The following RBFOX1 variants were observed in gnomAD, a reference collection of about 807,000 sequenced individuals.
RBFOX1 encodes RNA binding fox-1 homolog 1, also known as RNA binding protein fox-1 homolog 1.
RBFOX1 carries 8 observed loss-of-function variants against 57.7 expected under a neutral mutation model. The ratio of observed to expected loss-of-function variants is 0.14; its 90% confidence interval spans 0.08 to 0.25. The LOEUF (loss-of-function observed/expected upper bound fraction) is 0.25. Ranked by LOEUF, RBFOX1 falls within the 10% of genes least tolerant of loss-of-function variation. RBFOX1 has a pLI of 1.00. For missense variants in RBFOX1, 611 were observed against 548.5 expected, an observed-to-expected ratio of 1.11 and a Z score of -1.14; for synonymous variants, 326 against 222.4, an observed-to-expected ratio of 1.47 and a Z score of -4.15.
intron 2 of RBFOX1, among the ~76,000 whole-genome samples, chr16:6,393,101 T>C (rs73532378): frequency 0.049 from 7,484 of 152,312 alleles, 587 homozygotes; most frequent in African/African-American, 0.17. Flanking sequence ...AATTTGTGTT[T>C]GGGAGGCTTT....
chr16:5,643,421 T>C (rs2048945412), intron 3 of RBFOX1, among the ~76,000 whole-genome samples: 1 of 152,198 alleles, frequency 6.6e-6, no homozygotes, highest in Non-Finnish European at 1.5e-5. Context: ...TGGCCCCATG[T>C]TCTCCAAGGA....
At chr16:5,476,967 A>G (rs1412169130) in intron 2 of RBFOX1, among the ~76,000 whole-genome samples, 2 of 152,198 alleles carry the variant, frequency 1.3e-5, no homozygotes, top group Non-Finnish European at 2.9e-5. Flanking sequence ...TGTTATCTGT[A>G]TATACAGATT....
In RBFOX1 at chr16:7,618,373, C is replaced by T. The variant is rs559883358; in HGVS notation, c.676+11035C>T. On this transcript the variant is annotated intron_variant, in intron 10 of 15. Coordinates refer to ENST00000550418, the MANE Select transcript of RBFOX1 (RefSeq NM_018723.4). ...CGTGAAGCCCTGTGGTGCTGGGAGA[C>T]TTAGGAGCAGATTATCAACTGTTCA... is the stretch of plus-strand genomic sequence containing the variant. Among the ~76,000 whole-genome samples, 2 of 152,264 alleles carry T rather than the reference C, an allele frequency of 1.3e-5. 1 individual carries two copies. Among genetic ancestry groups the T allele is most frequent in the South Asian group, 4.1e-4 (2 of 4,824 alleles).
intron 1 of RBFOX1, among the ~76,000 whole-genome samples, chr16:6,165,574 A>G (rs960809378): frequency 6.6e-6 from 1 of 152,186 alleles, no homozygotes; most frequent in Non-Finnish European, 1.5e-5. Context: ...CTCTGCTAAG[A>G]CTAGAGATTT....
chr16:7,388,693 T>A (rs2097928095), intron 4 of RBFOX1, among the ~76,000 whole-genome samples: 1 of 144,258 alleles, frequency 6.9e-6, no homozygotes, highest in Non-Finnish European at 1.5e-5. Flanking sequence ...ACGTGAAACC[T>A]TTCTGTTTTT....
chr16:6,927,532 C>CTTTGT (rs772558730), intron 3 of RBFOX1, among the ~76,000 whole-genome samples: 55 of 145,558 alleles, frequency 3.8e-4, no homozygotes, highest in Non-Finnish European at 4.2e-4. Context: ...GCAGATATTT[C>CTTTGT]TTTGTTTTGT....
chr16:5,830,356 A>C (rs2056221149), intron 3 of RBFOX1, among the ~76,000 whole-genome samples: 1 of 152,038 alleles, frequency 6.6e-6, no homozygotes. Flanking sequence ...GAGATCATTA[A>C]ATTTCCAATC....
At chr16:7,253,721 G>C (rs888245331) in intron 4 of RBFOX1, among the ~76,000 whole-genome samples, 7 of 152,192 alleles carry the variant, frequency 4.6e-5, no homozygotes, top group East Asian at 1.9e-4. Context: ...TCACCACATA[G>C]TATTCTGTGT....
chr16:6,484,658 G>T (rs2095436152), intron 2 of RBFOX1, among the ~76,000 whole-genome samples: 1 of 152,086 alleles, frequency 6.6e-6, no homozygotes, highest in Admixed American at 6.5e-5. Context: ...TCAGATTATG[G>T]GGAAATTGGG....
chr16:5,785,661 G>T (rs536723576), intron 3 of RBFOX1, among the ~76,000 whole-genome samples: 31 of 152,094 alleles, frequency 2.0e-4, no homozygotes, highest in African/African-American at 6.0e-4. Flanking sequence ...CTGAGTAGCT[G>T]GGATTACAGG....
At chr16:7,176,974 A>G (rs1358133033) in intron 4 of RBFOX1, among the ~76,000 whole-genome samples, 1 of 152,192 alleles carries the variant, frequency 6.6e-6, no homozygotes, top group Non-Finnish European at 1.5e-5. Flanking sequence ...TTTACAAGGT[A>G]GTTTTCAATA....
intron 1 of RBFOX1, among the ~76,000 whole-genome samples, chr16:6,114,644 A>G (rs1428824137): frequency 1.3e-5 from 2 of 152,190 alleles, no homozygotes; most frequent in Non-Finnish European, 2.9e-5. Flanking sequence ...GAGACAAACA[A>G]TGATATGCTT....
At chr16:7,272,647 T>G (rs372021488) in intron 4 of RBFOX1, among the ~76,000 whole-genome samples, 2 of 144,740 alleles carry the variant, frequency 1.4e-5, no homozygotes, top group African/African-American at 5.5e-5. Flanking sequence ...AATCTGTGAA[T>G]TTTTACTTAT....
intron 4 of RBFOX1, among the ~76,000 whole-genome samples, chr16:7,172,270 C>A (rs796778632): frequency 4.6e-5 from 7 of 152,166 alleles, no homozygotes; most frequent in African/African-American, 1.7e-4. Context: ...TTTCAAACCC[C>A]ATCAAAAAAA....
intron 4 of RBFOX1, among the ~76,000 whole-genome samples, chr16:7,354,968 A>C (rs755275058): frequency 6.6e-6 from 1 of 152,200 alleles, no homozygotes; most frequent in Non-Finnish European, 1.5e-5. Flanking sequence ...CGAATGCTGA[A>C]ACATGACAAA....
chr16:6,726,098 A>G (rs569574007), intron 3 of RBFOX1, among the ~76,000 whole-genome samples: 1 of 152,312 alleles, frequency 6.6e-6, no homozygotes, highest in South Asian at 2.1e-4. Flanking sequence ...AGTGTTAAAT[A>G]TGAGAGAACT....
intron 3 of RBFOX1, among the ~76,000 whole-genome samples, chr16:5,866,372 C>T (rs948181450): frequency 5.3e-5 from 8 of 152,182 alleles, no homozygotes; most frequent in Non-Finnish European, 1.0e-4. Flanking sequence ...CAAATACAAT[C>T]ACAGTGGGGG....
rs1025254077 is a variant in RBFOX1 at position 5,675,348 on chromosome 16, A to C, written c.318+76387A>C. ...CTCTCCTCTTTGGGAGAGACCATTT[A>C]CTACTGATCATTTCTAGACTTTGGG... is the stretch of plus-strand genomic sequence containing the variant. On this transcript the variant is annotated intron_variant, in intron 3 of 19. Transcript: ENST00000641259. Among the ~76,000 whole-genome samples the C allele has an allele frequency of 2.6e-5, 4 of 152,290 alleles. No homozygotes were observed. The East Asian group carries it at 7.7e-4, about 29-fold the overall frequency.
At chr16:7,492,624 G>A (rs185510630) in intron 4 of RBFOX1, among the ~76,000 whole-genome samples, 1 of 152,222 alleles carries the variant, frequency 6.6e-6, no homozygotes, top group African/African-American at 2.4e-5. Flanking sequence ...CCCCAGTGTT[G>A]GACTTAGGGC....
Sources: gnomAD v4.1 joint callset for allele counts (sites outside exome capture counted in the v4.1 genomes callset) on GRCh38, gnomAD v4.1.1 for gene constraint, MANE v1.5 for transcripts, NCBI Gene and HGNC (gene_info 2026-07-23, HGNC 2026-07-21) for gene names.